Variants in FRMPD4 observed in about 807,000 individuals in gnomAD.
The protein encoded by FRMPD4 is FERM and PDZ domain-containing protein 4.
FRMPD4 carries 22 observed loss-of-function variants against 94.1 expected under a neutral mutation model. The observed-to-expected ratio is 0.23, with a 90% CI of 0.17 to 0.33. The LOEUF (loss-of-function observed/expected upper bound fraction) is 0.33, where lower values mean the gene tolerates loss of function less well. Among genes scored for constraint, FRMPD4 ranks in the 10% least tolerant of loss-of-function variants. The pLI is 1.00. For missense variants in FRMPD4, 1,111 were observed against 1,339.9 expected (o/e 0.83, Z 2.67); for synonymous variants, 631 against 548.6 (o/e 1.15, Z -2.10).
chrX:12,514,546 A>T (rs2058076683), intron 2 of FRMPD4, among the ~76,000 whole-genome samples: 1 of 112,378 alleles, frequency 8.9e-6, no homozygotes, highest in Admixed American at 9.4e-5. Flanking sequence ...CCAGCCTTGC[A>T]TCCTGGGGAT....
intron 1 of FRMPD4, among the ~76,000 whole-genome samples, chrX:12,180,651 G>T (rs1409181182): frequency 8.9e-6 from 1 of 112,384 alleles, no homozygotes; most frequent in Non-Finnish European, 1.9e-5. Flanking sequence ...TTATATTGTT[G>T]GTTTAAATCA....
At chrX:12,154,003 TAC>T (rs2055898713) in intron 1 of FRMPD4, among the ~76,000 whole-genome samples, 1 of 113,005 alleles carries the variant, frequency 8.8e-6, no homozygotes. Flanking sequence ...GAGTGGTTGC[TAC>T]AGAGACCATA....
At chrX:12,366,435 A>T (rs1288571114) in intron 1 of FRMPD4, among the ~76,000 whole-genome samples, 1 of 111,128 alleles carries the variant, frequency 9.0e-6, no homozygotes, top group East Asian at 2.8e-4. Flanking sequence ...AGCAAAACAT[A>T]ACTCTGATGG....
chrX:11,841,503 G>A (rs1479947057), intron 1 of FRMPD4, among the ~76,000 whole-genome samples: 2 of 108,265 alleles, frequency 1.8e-5, no homozygotes, highest in African/African-American at 3.4e-5. Flanking sequence ...GCCAGTGATG[G>A]TGAGCATTTT....
intron 3 of FRMPD4, among the ~76,000 whole-genome samples, chrX:11,970,398 C>T (rs779238878): frequency 2.2e-4 from 25 of 112,083 alleles, no homozygotes; most frequent in African/African-American, 7.4e-4. Context: ...GCTTTTTGAT[C>T]GCTCTTCTGC....
intron 3 of FRMPD4, among the ~76,000 whole-genome samples, chrX:11,991,947 C>T (rs1461583965): frequency 9.0e-6 from 1 of 111,700 alleles, no homozygotes; most frequent in Admixed American, 9.5e-5. Context: ...GCCCTAATTG[C>T]AAAGACTGGC....
At chrX:12,171,188 C>A (rs1464953461) in intron 1 of FRMPD4, among the ~76,000 whole-genome samples, 1 of 111,856 alleles carries the variant, frequency 8.9e-6, no homozygotes, top group Non-Finnish European at 1.9e-5. Flanking sequence ...TGGATGGGAC[C>A]CTACACAGTG....
chrX:12,201,689 T>TGGGAGAA (rs2056632623), intron 1 of FRMPD4, among the ~76,000 whole-genome samples: 1 of 111,704 alleles, frequency 9.0e-6, no homozygotes, highest in Admixed American at 9.5e-5. Context: ...AGTTCCTGGG[T>TGGGAGAA]GGGAGAAGGG....
intron 1 of FRMPD4, among the ~76,000 whole-genome samples, chrX:12,424,296 GT>G (rs2056921436): frequency 8.9e-6 from 1 of 112,506 alleles, no homozygotes. Flanking sequence ...GCTTTACTTA[GT>G]CACTGTAATT....
intron 3 of FRMPD4, among the ~76,000 whole-genome samples, chrX:11,992,228 C>T (rs192255036): frequency 1.5e-4 from 17 of 111,294 alleles, no homozygotes; most frequent in Middle Eastern, 4.7e-3. Flanking sequence ...GCAATATGGG[C>T]GCATCAGTAA....
chrX:12,576,948 G>A (rs1569345843), intron 2 of FRMPD4, among the ~76,000 whole-genome samples: 1 of 111,674 alleles, frequency 9.0e-6, no homozygotes, highest in Non-Finnish European at 1.9e-5. Flanking sequence ...GAGGGACCAG[G>A]AATTCCTGAA....
upstream of FRMPD4, among the ~76,000 whole-genome samples, chrX:12,135,358 C>T (rs1458394760): frequency 9.1e-6 from 1 of 110,217 alleles, no homozygotes; most frequent in Non-Finnish European, 1.9e-5. Context: ...ACCAACTACT[C>T]CAATCTCTGC....
intron 3 of FRMPD4, among the ~76,000 whole-genome samples, chrX:11,906,716 T>A (rs1054671375): frequency 9.0e-6 from 1 of 111,085 alleles, no homozygotes; most frequent in Non-Finnish European, 1.9e-5. Context: ...TGTCTCCTAC[T>A]TGGGGTTTCT....
intron 3 of FRMPD4, among the ~76,000 whole-genome samples, chrX:11,920,558 A>G (rs2054049525): frequency 8.9e-6 from 1 of 112,624 alleles, no homozygotes; most frequent in African/African-American, 3.2e-5. Flanking sequence ...TCCCCTTAGG[A>G]GGAACTTTTT....
At chrX:12,241,765 G>T (rs1244460973) in intron 1 of FRMPD4, among the ~76,000 whole-genome samples, 1 of 111,093 alleles carries the variant, frequency 9.0e-6, no homozygotes, top group Non-Finnish European at 1.9e-5. Flanking sequence ...GCCTGGCATG[G>T]TGGCATGTGC....
chrX:12,531,889 C>T (rs779905671), intron 2 of FRMPD4, among the ~76,000 whole-genome samples: 2 of 111,855 alleles, frequency 1.8e-5, no homozygotes, highest in Admixed American at 1.9e-4. Flanking sequence ...ACCACTCCCT[C>T]CTGCTTTTCC....
At chrX:12,392,133 G>A (rs960234000) in intron 1 of FRMPD4, among the ~76,000 whole-genome samples, 8 of 108,552 alleles carry the variant, frequency 7.4e-5, no homozygotes, top group African/African-American at 2.0e-4. Flanking sequence ...CCCACTCCCC[G>A]AGGTTCAAGC....
intron 4 of FRMPD4, among the ~76,000 whole-genome samples, chrX:12,659,006 A>G (rs1210411338): frequency 8.9e-6 from 1 of 112,312 alleles, no homozygotes; most frequent in Non-Finnish European, 1.9e-5. Context: ...CAGGCCCCAA[A>G]TGATCTGGGC....
At position 12,448,564 on chromosome X, in the gene FRMPD4, A is replaced by C. The variant is rs531955410; in HGVS notation, c.42-50116A>C. ...AGTTAAGCAATCTTTGGCTGGAAAG[A>C]AAATAACATTCCTGGCATATGCCTA... On this transcript the variant is annotated intron_variant, in intron 1 of 16. Transcript: ENST00000675598. 3.6e-4 allele frequency among the ~76,000 whole-genome samples: 40 copies of C among 112,404 alleles called. No individual in the cohort carries two copies. In the South Asian group the frequency reaches 0.014, roughly 40 times the overall value.
Sources: gnomAD v4.1 joint callset for allele counts (sites outside exome capture counted in the v4.1 genomes callset) on GRCh38, gnomAD v4.1.1 for gene constraint, MANE v1.5 for transcripts, NCBI Gene and HGNC (gene_info 2026-07-23, HGNC 2026-07-21) for gene names.